The following LILRA5 variants were observed in gnomAD, a reference collection of about 807,000 sequenced individuals.
The protein encoded by LILRA5 is leukocyte immunoglobulin like receptor A5, also known as leukocyte immunoglobulin-like receptor subfamily A member 5.
LILRA5 carries 31 observed loss-of-function variants against 36.3 expected under a neutral mutation model. The ratio of observed to expected loss-of-function variants is 0.85; its 90% CI spans 0.64 to 1.15. LILRA5 has a LOEUF of 1.15. Among genes scored for constraint, LILRA5 ranks in the 50% most tolerant of loss-of-function variants. LILRA5 has a pLI of 0.00. For missense variants in LILRA5, 348 were observed against 377.4 expected (o/e 0.92, Z 0.64); for synonymous variants, 144 against 144.8 (o/e 0.99, Z 0.04).
chr19:54,309,906 C>T (rs374416688), intron 5 of LILRA5: 173 of 163,112 alleles, frequency 1.1e-3, no homozygotes, highest in Non-Finnish European at 1.6e-3. Context: ...GGAGCAGGTG[C>T]GCGGCCCCTC....
Position 54,313,028 on chromosome 19 carries a change from A to AT in LILRA5, c.-10dup. On this transcript the variant is annotated 5_prime_UTR_variant, in exon 1 of 7. Coordinates refer to ENST00000432233, the MANE Select transcript of LILRA5 (RefSeq NM_021250.4). Reference sequence around the variant, plus strand: ...TGCGGGGTCCTTACCATGGTCAGTGATTTTTCAGCCCTGGAGATGCTTCAG... The same window carrying AT: ...TGCGGGGTCCTTACCATGGTCAGTGATTTTTTCAGCCCTGGAGATGCTTCAG... 1.2e-6 allele frequency: 2 copies of AT among 1,609,952 alleles called. No individual in the cohort carries two copies. Among genetic ancestry groups the AT allele is most frequent in the Non-Finnish European group, 1.7e-6 (2 of 1,176,778 alleles).
At position 54,311,314 on chromosome 19, in the gene LILRA5, C is replaced by G. The variant is rs764767573; in HGVS notation, c.712+100G>C. On this transcript the variant is annotated intron_variant, in intron 5 of 6. Transcript: ENST00000432233. ...CCTAGGATTTCTGTGTTCTCCTTCC[C>G]CTTTTTGTCTTTCTTAGCAGGGGCT... is the stretch of plus-strand genomic sequence containing the variant. 3.7e-6 allele frequency: 6 copies of G among 1,610,922 alleles called. No homozygotes were observed. In the African/African-American group the frequency reaches 6.7e-5, roughly 18 times the overall value.
Position 54,311,591 on chromosome 19 carries a change from G to T in LILRA5, c.535C>A (p.His179Asn). ...GAGTCCAAGGTCCAGGAGAGCTTGTGGTCTCCTTCCTCAGTCAGAATGAAC... is the reference window on the plus strand; with the variant it reads ...GAGTCCAAGGTCCAGGAGAGCTTGTTGTCTCCTTCCTCAGTCAGAATGAAC... ...DRFILTEEGDHKLSWTLDSQL... is the reference protein window; with the variant it reads ...DRFILTEEGDNKLSWTLDSQL... Residue 179 changes from histidine (H) to asparagine (N), a missense_variant, in exon 5 of 7, where the codon CAC (histidine) becomes AAC (asparagine). By Grantham distance (68) the His-to-Asn change is moderately conservative. Coordinates refer to ENST00000432233, the MANE Select transcript of LILRA5 (RefSeq NM_021250.4). 1 of 1,614,140 alleles carries T rather than the reference G, an allele frequency of 6.2e-7. No individual in the cohort carries two copies. Among genetic ancestry groups the T allele is most frequent in the Non-Finnish European group, 8.5e-7 (1 of 1,180,018 alleles).
At chr19:54,308,333 G>GTC (rs2080924989) in intron 5 of LILRA5, 1 of 35,874 alleles carries the variant, frequency 2.8e-5, no homozygotes, top group African/African-American at 2.4e-4. Context: ...GTGTGTGTGT[G>GTC]TGTATATATA....
In LILRA5 at chr19:54,307,242, CAAAAAAAA is replaced by C. The variant is rs10573769; in HGVS notation, c.*163_*170del. Reference sequence around the variant, plus strand: ...CTGGTGACAGAGCAAGACTCCATCTCAAAAAAAAAAAAAAAAAAAAAAAAGAAAGAAAA... The same window carrying C: ...CTGGTGACAGAGCAAGACTCCATCTCAAAAAAAAAAAAAAAAGAAAGAAAA... On this transcript the variant is annotated 3_prime_UTR_variant, in exon 7 of 7. Transcript: ENST00000432233. 2.2e-4 allele frequency: 25 copies of C among 115,716 alleles called. No individual in the cohort carries two copies. Among genetic ancestry groups the C allele is most frequent in the Middle Eastern group, 3.4e-3 (1 of 294 alleles). 7.2% of individuals were successfully genotyped at this position (115,716 alleles called of 1,614,324 possible). A position where few individuals can be genotyped will look rare whatever the true frequency, so the allele number is the denominator to read the frequency against.
intron 1 of LILRA5, 56 bp downstream of exon 1, chr19:54,312,961 G>A: frequency 1.9e-6 from 3 of 1,610,064 alleles, no homozygotes; most frequent in Non-Finnish European, 2.5e-6. Context: ...GCCTCCCCAT[G>A]GGGTCTCCCT....
Position 54,312,122 on chromosome 19 carries a change from C to T in LILRA5, c.151G>A (p.Ala51Thr), listed in dbSNP as rs747186464. 40 of 1,613,928 alleles carry T rather than the reference C, an allele frequency of 2.5e-5. No individual in the cohort carries two copies. The highest frequency in any genetic ancestry group is 2.3e-4 in the Admixed American group (14 of 59,996). The change falls in exon 4 of 7, where the codon GCT becomes ACT. Residue 51 changes from alanine (A) to threonine (T), a missense_variant. By Grantham distance (58) the Ala-to-Thr change is moderately conservative (BLOSUM62 0). Coordinates refer to ENST00000432233, the MANE Select transcript of LILRA5 (RefSeq NM_021250.4). ...CGGCTGATCACAGAGCCTGGCTCAG[C>T]CCAGAGGGTGGCTTTGGAGAGGTTC... ...AGNLSKATLWAEPGSVISRGN... is the reference protein window; with the variant it reads ...AGNLSKATLWTEPGSVISRGN...
chr19:54,307,655 C>A, intron 6 of LILRA5, 43 bp downstream of exon 6: 2 of 1,613,654 alleles, frequency 1.2e-6, no homozygotes, highest in Non-Finnish European at 1.7e-6. Context: ...CAGGACCTGA[C>A]CCTCTGTGCC....
chr19:54,312,979 T>G, intron 1 of LILRA5, 38 bp downstream of exon 1: 1 of 1,614,086 alleles, frequency 6.2e-7, no homozygotes, highest in African/African-American at 1.3e-5. Context: ...CCTCCCTCCT[T>G]CAGCCCGTCC....
At position 54,307,242 on chromosome 19, in the gene LILRA5, C is replaced by T; in HGVS notation, c.*171G>A. ...CTGGTGACAGAGCAAGACTCCATCT[C>T]AAAAAAAAAAAAAAAAAAAAAAAAG... On this transcript the variant is annotated 3_prime_UTR_variant, in exon 7 of 7. Transcript: ENST00000432233. 1 of 111,326 alleles carries T rather than the reference C, an allele frequency of 9.0e-6. No homozygotes were observed. Among genetic ancestry groups the T allele is most frequent in the Non-Finnish European group, 1.4e-5 (1 of 70,716 alleles). 6.9% of individuals were successfully genotyped at this position (111,326 alleles called of 1,614,324 possible). A position where few individuals can be genotyped will look rare whatever the true frequency, so the allele number is the denominator to read the frequency against.
At chr19:54,307,571 G>A (rs1252836090) in intron 6 of LILRA5, 22 bp from the exon 7 acceptor site, 1 of 1,613,790 alleles carries the variant, frequency 6.2e-7, no homozygotes, top group African/African-American at 1.3e-5. Context: ...GGACAAAGAG[G>A]TCACAGAGGT....
chr19:54,310,177 G>A (rs1645786), intron 5 of LILRA5: 72,136 of 164,852 alleles, frequency 0.44, 16,386 homozygotes, highest in Non-Finnish European at 0.51. Flanking sequence ...CCAAGGGAGC[G>A]TCCGTCTGTC....
intron 4 of LILRA5, 72 bp from the exon 5 acceptor site, chr19:54,311,788 A>G (rs1044950949): frequency 2.9e-5 from 47 of 1,611,528 alleles, no homozygotes; most frequent in African/African-American, 1.5e-4. Flanking sequence ...TGGGCTGTGA[A>G]AGGGAGACAC....
At position 54,307,164 on chromosome 19, in the gene LILRA5, A is replaced by C. The variant is rs2080890211; in HGVS notation, c.*249T>G. On this transcript the variant is annotated 3_prime_UTR_variant, in exon 7 of 7. Coordinates refer to ENST00000432233, the MANE Select transcript of LILRA5 (RefSeq NM_021250.4). Reference sequence around the variant, plus strand: ...GAGGCTGAGGCAGGAGAATCACTTGAACCCGAGAGGCGGAGGTTGCAGTGA... The same window carrying C: ...GAGGCTGAGGCAGGAGAATCACTTGCACCCGAGAGGCGGAGGTTGCAGTGA... The C allele has an allele frequency of 3.4e-6, 1 of 292,728 alleles. No individual in the cohort carries two copies. Among genetic ancestry groups the C allele is most frequent in the African/African-American group, 2.3e-5 (1 of 42,600 alleles). 18.1% of individuals were successfully genotyped at this position (292,728 alleles called of 1,614,324 possible). A position where few individuals can be genotyped will look rare whatever the true frequency, so the allele number is the denominator to read the frequency against.
chr19:54,311,497 C>T lies in LILRA5; in HGVS notation c.629G>A (p.Trp210Ter), dbSNP rs769076205. ...GCGAGAGCCATAGCATCTGAGCATC[C>T]ACCTGTGGCTGGGGGTCACAGGGCC... ...PVGPVTPSHR[W>*]MLRCYGSRRH... Residue 210 changes from tryptophan to a stop codon, truncating the protein, a stop_gained, in exon 5 of 7, where the codon TGG becomes TAG. Coordinates refer to ENST00000432233, the MANE Select transcript of LILRA5 (RefSeq NM_021250.4). LOFTEE classifies it high-confidence loss of function. 6.2e-7 allele frequency: 1 copy of T among 1,614,186 alleles called. No homozygotes were observed. The highest frequency in any genetic ancestry group is 8.5e-7 in the Non-Finnish European group (1 of 1,180,036).
Position 54,312,046 on chromosome 19 carries a change from T to C in LILRA5, c.227A>G (p.Tyr76Cys). The change falls in exon 4 of 7, where the codon TAC becomes TGC. Residue 76 changes from tyrosine (Y) to cysteine (C), a missense_variant. By Grantham distance (194) the Tyr-to-Cys change is radical (BLOSUM62 -2). Transcript: ENST00000432233. ...TGGGCTTCCCTCTTTAACCAGACGG[T>C]ATTCCTGGGCCTCCAGGGTCCCCTG... ...RCQGTLEAQEYRLVKEGSPEP... is the reference protein window; with the variant it reads ...RCQGTLEAQECRLVKEGSPEP... The C allele has an allele frequency of 2.5e-6, 4 of 1,614,128 alleles. No homozygotes were observed. The highest frequency in any genetic ancestry group is 3.4e-6 in the Non-Finnish European group (4 of 1,180,008).
At chr19:54,308,313 A>ATGTGTGTGTGTG (rs1208329632) in intron 5 of LILRA5, 7 of 52,662 alleles carry the variant, frequency 1.3e-4, no homozygotes, top group Non-Finnish European at 2.5e-4. Context: ...ATGTATATAA[A>ATGTGTGTGTGTG]TGTGTGTGTG....
At chr19:54,308,543 A>G (rs1034604921) in intron 5 of LILRA5, 4 of 151,238 alleles carry the variant, frequency 2.6e-5, no homozygotes, top group Non-Finnish European at 4.4e-5. Context: ...CCTGGCCAAC[A>G]TGGTGAAACC....
rs773606210 is a variant in LILRA5 at position 54,311,970 on chromosome 19, G to T, written c.303C>A (p.Phe101Leu). The T allele has an allele frequency of 3.1e-6, 5 of 1,614,190 alleles. No homozygotes were observed. The South Asian group carries it at 5.5e-5, about 18-fold the overall frequency. The change falls in exon 4 of 7, where the codon TTC (phenylalanine) becomes TTA (leucine). Residue 101 changes from phenylalanine (F) to leucine (L), a missense_variant. Phe to Leu is a conservative substitution (Grantham distance 22). Transcript: ENST00000432233. Reference protein sequence around the residue: ...NPLEPKNKARFSIPSMTEHHA... With the variant: ...NPLEPKNKARLSIPSMTEHHA... The stretch of plus-strand genomic sequence containing the variant: ...GGTGCTCTGTCATGGATGGGATGGA[G>T]AATCTGGCCTTGTTCTTGGGCTCCA...
Sources: allele counts gnomAD v4.1 joint callset, GRCh38; gene constraint gnomAD v4.1.1; transcripts MANE v1.5; gene names NCBI Gene and HGNC (gene_info 2026-07-23, HGNC 2026-07-21).